The following GLT8D2 variants were observed in gnomAD, a reference collection of about 807,000 sequenced individuals.
GLT8D2 encodes glycosyltransferase 8 domain containing 2, also known as glycosyltransferase 8 domain-containing protein 2.
A neutral mutation model predicts 44.5 loss-of-function variants in GLT8D2; 45 were observed. The observed-to-expected ratio is 1.01, with a 90% CI of 0.80 to 1.30. GLT8D2 has a LOEUF of 1.30. Among genes scored for constraint, GLT8D2 ranks in the 50% most tolerant of loss-of-function variants. The pLI, the probability that GLT8D2 is intolerant of heterozygous loss-of-function variation, is 0.00. For missense variants in GLT8D2, 400 were observed against 430.4 expected, an observed-to-expected ratio of 0.93 and a Z score of 0.62; for synonymous variants, 156 against 157.2, an observed-to-expected ratio of 0.99 and a Z score of 0.06.
intron 1 of GLT8D2, among the ~76,000 whole-genome samples, chr12:104,047,106 G>A (rs1479077113): frequency 1.3e-5 from 2 of 152,130 alleles, no homozygotes; most frequent in African/African-American, 4.8e-5. Context: ...TGTGATTACA[G>A]GCATGAGCCA....
chr12:104,054,871 T>C (rs1222765470), upstream of GLT8D2, among the ~76,000 whole-genome samples: 3 of 152,102 alleles, frequency 2.0e-5, no homozygotes, highest in Non-Finnish European at 4.4e-5. Context: ...GCCACACTGG[T>C]TGTGCACAGT....
chr12:104,047,939 G>A (rs561473340), intron 1 of GLT8D2, among the ~76,000 whole-genome samples: 7 of 152,284 alleles, frequency 4.6e-5, no homozygotes, highest in East Asian at 1.9e-4. Context: ...TTGTTAGAAC[G>A]TAGCCATGCT....
chr12:104,050,577 G>A (rs1271883834), upstream of GLT8D2, among the ~76,000 whole-genome samples: 2 of 152,164 alleles, frequency 1.3e-5, no homozygotes, highest in Non-Finnish European at 2.9e-5. Flanking sequence ...AGGAATCAGA[G>A]AGGAATGAGG....
At chr12:104,047,880 A>G (rs1566214159) in intron 1 of GLT8D2, among the ~76,000 whole-genome samples, 1 of 152,228 alleles carries the variant, frequency 6.6e-6, no homozygotes, top group Non-Finnish European at 1.5e-5. Context: ...TCAGCAAACT[A>G]TGACCCCTGG....
chr12:104,025,217 C>CT (rs915199602), intron 1 of GLT8D2, among the ~76,000 whole-genome samples: 22 of 148,746 alleles, frequency 1.5e-4, no homozygotes, highest in Admixed American at 2.0e-4. Flanking sequence ...TTATTTTTTT[C>CT]TTTTTTTTTG....
At chr12:104,010,435 C>T (rs1875683478) in intron 4 of GLT8D2, among the ~76,000 whole-genome samples, 1 of 152,206 alleles carries the variant, frequency 6.6e-6, no homozygotes, top group South Asian at 2.1e-4. Flanking sequence ...TCTGGGAAGC[C>T]TTTAATACCT....
chr12:104,003,616 C>A (rs1204010636), intron 4 of GLT8D2, among the ~76,000 whole-genome samples: 1 of 152,084 alleles, frequency 6.6e-6, no homozygotes, highest in Non-Finnish European at 1.5e-5. Flanking sequence ...GCTCACTCAC[C>A]CCCTTGCCTT....
Position 103,994,465 on chromosome 12 carries a change from CCTT to C in GLT8D2, c.634_636del (p.Lys212del). The C allele has an allele frequency of 1.5e-5, 25 of 1,614,030 alleles. No homozygotes were observed. The highest frequency in any genetic ancestry group is 2.1e-5 in the Non-Finnish European group (25 of 1,179,928). On this transcript the variant is annotated inframe_deletion, in exon 9 of 11. Coordinates refer to ENST00000360814, the MANE Select transcript of GLT8D2 (RefSeq NM_001384711.1). ...GGGCTGATGCCAAGGTCCTTGATGG[CCTT>C]CTTCCGGTAGTCCAGATAGCCCATA...
intron 4 of GLT8D2, among the ~76,000 whole-genome samples, chr12:104,013,285 A>C (rs1305220113): frequency 6.6e-6 from 1 of 152,198 alleles, no homozygotes; most frequent in Non-Finnish European, 1.5e-5. Flanking sequence ...AATTTCATAT[A>C]GATGGAATCA....
chr12:104,036,647 C>A (rs1409146878), intron 1 of GLT8D2, among the ~76,000 whole-genome samples: 2 of 152,176 alleles, frequency 1.3e-5, no homozygotes, highest in Non-Finnish European at 2.9e-5. Flanking sequence ...TACAGGAGCA[C>A]CCAGATTCAT....
intron 4 of GLT8D2, among the ~76,000 whole-genome samples, chr12:104,005,044 AT>A (rs1874790806): frequency 6.6e-6 from 1 of 152,198 alleles, no homozygotes; most frequent in Non-Finnish European, 1.5e-5. Context: ...ATATAGACCA[AT>A]GGAACAGAAC....
intron 10 of GLT8D2, among the ~76,000 whole-genome samples, chr12:103,991,302 T>C (rs1359154540): frequency 6.6e-6 from 1 of 152,216 alleles, no homozygotes; most frequent in Non-Finnish European, 1.5e-5. Flanking sequence ...TTCTCCTGCA[T>C]CAGCCTCCCG....
At chr12:104,033,812 A>G (rs947855541) in intron 1 of GLT8D2, among the ~76,000 whole-genome samples, 8 of 150,842 alleles carry the variant, frequency 5.3e-5, no homozygotes, top group Non-Finnish European at 1.0e-4. Context: ...GTGTGTATAT[A>G]TATATATATA....
intron 1 of GLT8D2, among the ~76,000 whole-genome samples, chr12:104,021,987 GA>G (rs1566202687): frequency 1.2e-4 from 5 of 42,402 alleles, no homozygotes; most frequent in African/African-American, 3.8e-4. Context: ...GGAAGAGGAA[GA>G]AGAAGAAGAA....
rs781158391 is a variant in GLT8D2, at chr12:103,997,443, G to A, written c.487+8C>T. The A allele has an allele frequency of 2.6e-5, 42 of 1,594,448 alleles. No individual in the cohort carries two copies. In the East Asian group the frequency reaches 3.8e-4, roughly 14 times the overall value. Reference sequence around the variant, plus strand: ...TTTCCAAGTGTTCTTGGCAGTTAGCGAGAGTACCTTGTACAATTACATCAT... The same window carrying A: ...TTTCCAAGTGTTCTTGGCAGTTAGCAAGAGTACCTTGTACAATTACATCAT... On this transcript the variant is annotated splice_region_variant and intron_variant, in intron 7 of 10. Transcript: ENST00000360814.
chr12:104,014,391 A>G (rs117711523), intron 4 of GLT8D2: 1 of 632,296 alleles, frequency 1.6e-6, no homozygotes, highest in Non-Finnish European at 2.9e-6. Flanking sequence ...TGTAATAAAC[A>G]GTGCTTCCTG....
chr12:104,004,987 C>A (rs953831729), intron 4 of GLT8D2, among the ~76,000 whole-genome samples: 29 of 152,266 alleles, frequency 1.9e-4, no homozygotes, highest in South Asian at 4.2e-4. Flanking sequence ...AACTATACTA[C>A]AAGGCTACAG....
chr12:104,035,250 C>G (rs548460411), intron 1 of GLT8D2, among the ~76,000 whole-genome samples: 1 of 152,180 alleles, frequency 6.6e-6, no homozygotes, highest in East Asian at 1.9e-4. Context: ...AAAACCAGAG[C>G]GCCTCTTCTC....
intron 1 of GLT8D2, among the ~76,000 whole-genome samples, chr12:104,026,236 A>T (rs1399777040): frequency 6.7e-6 from 1 of 150,332 alleles, no homozygotes; most frequent in African/African-American, 2.5e-5. Context: ...CCGAGATCAC[A>T]CCACTGCCCT....
Sources: allele counts gnomAD v4.1 joint callset (sites outside exome capture counted in the v4.1 genomes callset), GRCh38; gene constraint gnomAD v4.1.1; transcripts MANE v1.5; gene names NCBI Gene and HGNC (gene_info 2026-07-23, HGNC 2026-07-21).